The following RBM4 variants were observed in gnomAD, a reference collection of about 807,000 sequenced individuals.
RBM4 encodes the protein RNA binding motif protein 4.
Under a neutral mutation model 29.5 loss-of-function variants are expected in RBM4, and 7 were observed. The ratio of observed to expected loss-of-function variants is 0.24; its 90% CI spans 0.14 to 0.45. The LOEUF (loss-of-function observed/expected upper bound fraction) is 0.45. RBM4 is among the 20% of genes least tolerant of loss of function. RBM4 has a pLI of 1.00. For missense variants in RBM4, 387 were observed against 502.3 expected, an observed-to-expected ratio of 0.77 and a Z score of 2.19; for synonymous variants, 220 against 205.4, an observed-to-expected ratio of 1.07 and a Z score of -0.61.
Position 66,643,713 on chromosome 11 carries a change from C to G in RBM4, c.676C>G (p.Arg226Gly), listed in dbSNP as rs1264371098. ...GALDAYYKRC[R>G]AARSYEAVAA... ...GCTCGATGCCTACTACAAGCGCTGC[C>G]GTGCTGCCCGGTCCTATGAGGCAGT... Residue 226 changes from arginine (R) to glycine (G), a missense_variant, in exon 3 of 4, where the codon CGT (arginine) becomes GGT (glycine). This residue lies in a region of RBM4 where 281 missense variants were observed against 288.7 expected (regional missense o/e 0.97). Transcript: ENST00000310092. This position sits in a 1 kb window ranked among gnomAD's most constrained non-coding sequence, Gnocchi z 6.1. 7 of 1,614,014 alleles carry G rather than the reference C, an allele frequency of 4.3e-6. No individual in the cohort carries two copies. The highest frequency in any genetic ancestry group is 5.9e-6 in the Non-Finnish European group (7 of 1,180,022).
rs761031413 is a variant in RBM4, at chr11:66,639,720, G to A, written c.9G>A (p.Lys3=). The A allele has an allele frequency of 6.2e-7, 1 of 1,613,612 alleles. No individual in the cohort carries two copies. The highest frequency in any genetic ancestry group is 8.5e-7 in the Non-Finnish European group (1 of 1,179,520). Residue 3 remains lysine, a synonymous_variant, in exon 2 of 4, where the codon AAG becomes AAA. Transcript: ENST00000310092. The part of the protein sequence containing the change: MV[K]LFIGNLPREA... Reference sequence around the variant, plus strand: ...CCCAGGCTCTTGTCAGGATGGTGAAGCTGTTCATCGGAAACCTGCCCCGGG... The same window carrying A: ...CCCAGGCTCTTGTCAGGATGGTGAAACTGTTCATCGGAAACCTGCCCCGGG...
intron 2 of RBM4, among the ~76,000 whole-genome samples, chr11:66,661,962 A>G (rs1939091627): frequency 6.6e-6 from 1 of 152,186 alleles, no homozygotes; most frequent in African/African-American, 2.4e-5. Context: ...CCTGGGAGGC[A>G]GAGGTTGCAG....
At chr11:66,666,160 C>G in exon 3 of RBM4, 3 of 768,608 alleles carry the variant, frequency 3.9e-6, no homozygotes, top group Non-Finnish European at 5.7e-6. Flanking sequence ...CCCTAATTGA[C>G]CAAATCTCCC....
chr11:66,646,020 C>T lies in RBM4; in HGVS notation c.*9-7C>T, dbSNP rs994770262. ...CTGTAAAGCCGCTGTATTGTGCTCTCTTTCAGGTGGGATGTGTGTGGGCTG... is the reference window on the plus strand; with the variant it reads ...CTGTAAAGCCGCTGTATTGTGCTCTTTTTCAGGTGGGATGTGTGTGGGCTG... On this transcript the variant is annotated splice_region_variant and splice_polypyrimidine_tract_variant and intron_variant, in intron 3 of 3. Transcript: ENST00000310092. The T allele has an allele frequency of 6.5e-7, 1 of 1,536,142 alleles. No individual in the cohort carries two copies.
In RBM4 at chr11:66,643,402, G is replaced by T. The variant is rs1312641874; in HGVS notation, c.413-48G>T. 1.3e-6 allele frequency: 2 copies of T among 1,560,640 alleles called. No homozygotes were observed. The highest frequency in any genetic ancestry group is 1.8e-5 in the Admixed American group (1 of 56,382). On this transcript the variant is annotated intron_variant, in intron 2 of 3. Transcript: ENST00000310092. This position sits in a 1 kb window ranked among gnomAD's most constrained non-coding sequence, Gnocchi z 6.1. ...ACCAGTGTCTGGGGTAGGGGCTGGG[G>T]CTATGACTAAGAGTGATAGCAACCC...
At chr11:66,660,937 G>A (rs1251976890) in intron 2 of RBM4, among the ~76,000 whole-genome samples, 1 of 152,230 alleles carries the variant, frequency 6.6e-6, no homozygotes, top group Non-Finnish European at 1.5e-5. Context: ...TTACAGGCGT[G>A]AGCCACTGCG....
intron 2 of RBM4, among the ~76,000 whole-genome samples, chr11:66,642,263 G>C (rs1938499860): frequency 6.6e-6 from 1 of 152,154 alleles, no homozygotes; most frequent in South Asian, 2.1e-4. Flanking sequence ...GGATCCATTT[G>C]TTGACTCTCC....
intron 2 of RBM4, chr11:66,640,998 A>T (rs138446588): frequency 6.6e-6 from 1 of 152,318 alleles, no homozygotes; most frequent in East Asian, 1.9e-4. Context: ...GGTACGTAGA[A>T]CGCAAATATT....
intron 2 of RBM4, among the ~76,000 whole-genome samples, chr11:66,654,856 C>G (rs566012230): frequency 9.5e-4 from 144 of 151,616 alleles, no homozygotes; most frequent in Non-Finnish European, 1.7e-3. Context: ...ATGGAGTCTC[C>G]CTACGTCGCC....
intron 2 of RBM4, among the ~76,000 whole-genome samples, chr11:66,653,061 G>A (rs1938866307): frequency 6.6e-6 from 1 of 152,140 alleles, no homozygotes; most frequent in African/African-American, 2.4e-5. Context: ...TGTGCCTGCT[G>A]GTTTGAGTTC....
Position 66,643,703 on chromosome 11 carries a change from C to G in RBM4, c.666C>G (p.Tyr222Ter). 6.2e-7 allele frequency: 1 copy of G among 1,614,206 alleles called. No individual in the cohort carries two copies. The highest frequency in any genetic ancestry group is 8.5e-7 in the Non-Finnish European group (1 of 1,180,034). ...NNAYGALDAYYKRCRAARSYE... is the reference protein window; with the variant it reads ...NNAYGALDAY Reference sequence around the variant, plus strand: ...CGTACGGAGCGCTCGATGCCTACTACAAGCGCTGCCGTGCTGCCCGGTCCT... The same window carrying G: ...CGTACGGAGCGCTCGATGCCTACTAGAAGCGCTGCCGTGCTGCCCGGTCCT... The change falls in exon 3 of 4, where the codon TAC (tyrosine) becomes TAG (stop). Residue 222 changes from tyrosine (Y) to a stop codon, truncating the protein, a stop_gained. Coordinates refer to ENST00000310092, the MANE Select transcript of RBM4 (RefSeq NM_002896.4). LOFTEE classifies it high-confidence loss of function. This position sits in a 1 kb window ranked among gnomAD's most constrained non-coding sequence, Gnocchi z 6.1.
downstream of RBM4, among the ~76,000 whole-genome samples, chr11:66,647,029 T>C (rs916033600): frequency 7.2e-5 from 11 of 152,262 alleles, no homozygotes; most frequent in Non-Finnish European, 1.5e-4. Context: ...TTACAGCCTT[T>C]AAATCATAGG....
chr11:66,640,410 T>C, intron 2 of RBM4: 1 of 530,788 alleles, frequency 1.9e-6, no homozygotes, highest in Non-Finnish European at 3.3e-6. Flanking sequence ...TCTGAGTTAC[T>C]GGGCCTTTTT....
intron 2 of RBM4, among the ~76,000 whole-genome samples, chr11:66,657,759 A>C (rs2135086953): frequency 6.8e-6 from 1 of 147,692 alleles, no homozygotes; most frequent in East Asian, 2.0e-4. Flanking sequence ...TTTTTTTGAG[A>C]CAGGGTCTTC....
At chr11:66,654,335 CA>C (rs778815265) in intron 2 of RBM4, among the ~76,000 whole-genome samples, 37 of 142,842 alleles carry the variant, frequency 2.6e-4, no homozygotes, top group Admixed American at 2.8e-4. Flanking sequence ...ACTAAAAATA[CA>C]AAAAAAAAAA....
chr11:66,654,684 GTT>G (rs144346052), intron 2 of RBM4, among the ~76,000 whole-genome samples: 14 of 122,260 alleles, frequency 1.1e-4, no homozygotes, highest in Admixed American at 1.6e-4. Flanking sequence ...GATTAATTTT[GTT>G]TTTTTTTTTT....
In RBM4 at chr11:66,643,950, G is replaced by GGGC. The variant is rs1938578531; in HGVS notation, c.916_918dup (p.Arg306dup). On this transcript the variant is annotated inframe_insertion, in exon 3 of 4. Transcript: ENST00000310092. The surrounding 1 kb of genome is among the most constrained non-coding windows in gnomAD (Gnocchi z 6.1). ...TACTGCAGCTTCCACTTCATATTAC[G>GGGC]GGCGGGATCGGAGCCCCCTGCGTCG... 1 of 1,612,896 alleles carries GGGC rather than the reference G, an allele frequency of 6.2e-7. No homozygotes were observed. The highest frequency in any genetic ancestry group is 1.7e-5 in the Admixed American group (1 of 59,982).
At chr11:66,648,812 CA>C (rs1193172838), downstream of RBM4, among the ~76,000 whole-genome samples, 62 of 148,608 alleles carry the variant, frequency 4.2e-4, no homozygotes, top group East Asian at 8.0e-3. Flanking sequence ...AGACTTCTCT[CA>C]AAAAAAAAAT....
chr11:66,660,161 G>A (rs1939046875), intron 2 of RBM4, among the ~76,000 whole-genome samples: 1 of 147,246 alleles, frequency 6.8e-6, no homozygotes, highest in Admixed American at 6.8e-5. Flanking sequence ...AATCTGAAGG[G>A]ACCTTTCTCT....
Sources: gnomAD v4.1 joint callset for allele counts (sites outside exome capture counted in the v4.1 genomes callset) on GRCh38, gnomAD v4.1.1 for gene constraint, gnomAD v4.1.1 regional missense constraint, Gnocchi (gnomAD v3.1) non-coding constraint, MANE v1.5 for transcripts, NCBI Gene and HGNC (gene_info 2026-07-23, HGNC 2026-07-21) for gene names.